The following KCNAB1 variants were observed in gnomAD, a reference collection of about 807,000 sequenced individuals.
The protein encoded by KCNAB1 is potassium voltage-gated channel subfamily A regulatory beta subunit 1, also known as voltage-gated potassium channel subunit beta-1.
KCNAB1 carries 35 observed loss-of-function variants against 64.6 expected under a neutral mutation model. The ratio of observed to expected loss-of-function variants is 0.54; its 90% CI spans 0.41 to 0.72. KCNAB1 has a LOEUF of 0.72. Ranked by LOEUF, KCNAB1 falls within the 30% of genes least tolerant of loss-of-function variation. KCNAB1 has a pLI of 0.00. For missense variants in KCNAB1, 401 were observed against 512.9 expected, an observed-to-expected ratio of 0.78 and a Z score of 2.11; for synonymous variants, 177 against 183.8, an observed-to-expected ratio of 0.96 and a Z score of 0.30.
intron 1 of KCNAB1, among the ~76,000 whole-genome samples, chr3:156,123,584 T>A (rs1713475471): frequency 6.6e-6 from 1 of 152,240 alleles, no homozygotes; most frequent in Admixed American, 6.5e-5. Flanking sequence ...TAGTTCTGAC[T>A]CCTGCTGTAT....
At chr3:156,258,164 T>G (rs953275091) in intron 1 of KCNAB1, among the ~76,000 whole-genome samples, 1 of 152,150 alleles carries the variant, frequency 6.6e-6, no homozygotes, top group African/African-American at 2.4e-5. Context: ...CTAATCACTG[T>G]GACTTGGGAA....
intron 2 of KCNAB1, among the ~76,000 whole-genome samples, chr3:156,434,542 A>G (rs1019856968): frequency 6.6e-6 from 1 of 152,182 alleles, no homozygotes; most frequent in African/African-American, 2.4e-5. Context: ...AAAGATCTCT[A>G]ATATAGGTGT....
At chr3:156,341,888 A>G (rs1336089974) in intron 1 of KCNAB1, among the ~76,000 whole-genome samples, 1 of 152,094 alleles carries the variant, frequency 6.6e-6, no homozygotes, top group African/African-American at 2.4e-5. Flanking sequence ...TTCTATTTTA[A>G]TATACTGGAT....
At chr3:156,335,884 T>C (rs1723672341) in intron 1 of KCNAB1, among the ~76,000 whole-genome samples, 3 of 148,210 alleles carry the variant, frequency 2.0e-5, no homozygotes, top group Non-Finnish European at 4.4e-5. Flanking sequence ...TACACAGATA[T>C]GAAAATAATA....
chr3:156,241,193 T>G (rs1440217639), intron 1 of KCNAB1, among the ~76,000 whole-genome samples: 1 of 152,258 alleles, frequency 6.6e-6, no homozygotes, highest in Non-Finnish European at 1.5e-5. Context: ...AAACTTATAA[T>G]GCATCATGAT....
intron 1 of KCNAB1, among the ~76,000 whole-genome samples, chr3:156,418,844 A>T (rs1357098519): frequency 6.6e-6 from 1 of 152,230 alleles, no homozygotes. Context: ...AAAAATAATT[A>T]AAAGTATTAG....
intron 1 of KCNAB1, among the ~76,000 whole-genome samples, chr3:156,327,778 A>G (rs1416462875): frequency 6.6e-6 from 1 of 152,158 alleles, no homozygotes; most frequent in Non-Finnish European, 1.5e-5. Context: ...GATTAAAAAC[A>G]TTTCAGGAGA....
At chr3:156,171,183 T>TCATGCA (rs1553812688) in intron 1 of KCNAB1, among the ~76,000 whole-genome samples, 3 of 74,966 alleles carry the variant, frequency 4.0e-5, no homozygotes, top group Non-Finnish European at 5.2e-5. Context: ...GTTAGAAACT[T>TCATGCA]CACGCACACA....
At chr3:156,144,439 A>G (rs1035268193) in intron 1 of KCNAB1, among the ~76,000 whole-genome samples, 1 of 152,236 alleles carries the variant, frequency 6.6e-6, no homozygotes, top group African/African-American at 2.4e-5. Context: ...AGTATTTTAC[A>G]CAGACTCTAT....
intron 11 of KCNAB1, among the ~76,000 whole-genome samples, chr3:156,519,548 G>A (rs984264061): frequency 3.9e-5 from 6 of 152,150 alleles, no homozygotes; most frequent in South Asian, 2.1e-4. Context: ...ATTATTCCAC[G>A]AACACTTCTT....
chr3:156,454,839 C>T (rs1170433432), intron 3 of KCNAB1, among the ~76,000 whole-genome samples: 4 of 152,144 alleles, frequency 2.6e-5, no homozygotes, highest in African/African-American at 9.7e-5. Context: ...GCATTATTTC[C>T]CCCTAGTCTT....
chr3:156,397,370 C>A (rs1229195855), intron 1 of KCNAB1, among the ~76,000 whole-genome samples: 3 of 152,154 alleles, frequency 2.0e-5, no homozygotes, highest in Admixed American at 6.5e-5. Context: ...TACCTGGATA[C>A]CTACCATGCA....
Position 156,403,134 on chromosome 3 carries a change from TG to T in KCNAB1, c.276-18481del, listed in dbSNP as rs965798116. Among the ~76,000 whole-genome samples the T allele has an allele frequency of 3.0e-4, 46 of 152,344 alleles. 2 individuals carry two copies. Among genetic ancestry groups the T allele is most frequent in the African/African-American group, 1.0e-3 (42 of 41,582 alleles). On this transcript the variant is annotated intron_variant, in intron 1 of 13. Transcript: ENST00000490337. The stretch of plus-strand genomic sequence containing the variant: ...CATTCAAAGCTAATTCCATCTCTTC[TG>T]ATTTAAAAGGTGAAACTCTCTATCA...
At chr3:156,197,483 G>T (rs1714030713) in intron 1 of KCNAB1, among the ~76,000 whole-genome samples, 1 of 152,106 alleles carries the variant, frequency 6.6e-6, no homozygotes, top group Non-Finnish European at 1.5e-5. Context: ...CTCAATTTCA[G>T]AACTTGTTAT....
At chr3:156,327,887 C>G (rs1398813251) in intron 1 of KCNAB1, among the ~76,000 whole-genome samples, 1 of 152,094 alleles carries the variant, frequency 6.6e-6, no homozygotes, top group Non-Finnish European at 1.5e-5. Flanking sequence ...CCATAGCTTT[C>G]GTGTCTCCCT....
At chr3:156,470,160 G>A (rs995150153) in intron 7 of KCNAB1, among the ~76,000 whole-genome samples, 35 of 152,184 alleles carry the variant, frequency 2.3e-4, no homozygotes, top group African/African-American at 8.2e-4. Flanking sequence ...TGAGCCCAAA[G>A]TTCTTGACTT....
At chr3:156,254,783 T>C (rs918740199) in intron 1 of KCNAB1, among the ~76,000 whole-genome samples, 8 of 152,216 alleles carry the variant, frequency 5.3e-5, no homozygotes, top group African/African-American at 1.7e-4. Context: ...TTTGTAATGG[T>C]TGGTCCGATT....
chr3:156,305,602 C>A (rs1192030447), intron 1 of KCNAB1, among the ~76,000 whole-genome samples: 2 of 152,194 alleles, frequency 1.3e-5, no homozygotes, highest in Non-Finnish European at 2.9e-5. Context: ...TGGTGTCCCC[C>A]AAATTATTCT....
chr3:156,160,375 C>A (rs966282374), intron 1 of KCNAB1, among the ~76,000 whole-genome samples: 1 of 152,138 alleles, frequency 6.6e-6, no homozygotes, highest in African/African-American at 2.4e-5. Context: ...AATAATAGAA[C>A]AACTATAAAA....
Sources: gnomAD v4.1 joint callset for allele counts (sites outside exome capture counted in the v4.1 genomes callset) on GRCh38, gnomAD v4.1.1 for gene constraint, MANE v1.5 for transcripts, NCBI Gene and HGNC (gene_info 2026-07-23, HGNC 2026-07-21) for gene names.